The following ITCH variants were observed in gnomAD, a reference collection of about 807,000 sequenced individuals.
The protein encoded by ITCH is itchy E3 ubiquitin protein ligase.
ITCH carries 28 observed loss-of-function variants against 126.8 expected under a neutral mutation model. The ratio of observed to expected loss-of-function variants is 0.22; its 90% confidence interval spans 0.16 to 0.30. ITCH has a LOEUF of 0.30. ITCH is among the 10% of genes least tolerant of loss of function. ITCH has a pLI of 1.00. For synonymous variants in ITCH, 342 were observed against 340.0 expected (o/e 1.01, Z -0.06); for missense variants, 631 against 1,032.4 (o/e 0.61, Z 5.33).
At chr20:34,457,125 T>C (rs1307313143) in intron 12 of ITCH, among the ~76,000 whole-genome samples, 10 of 152,160 alleles carry the variant, frequency 6.6e-5, no homozygotes, top group Admixed American at 6.5e-4. Flanking sequence ...TTGCTGCTGT[T>C]GGTTGGATTG....
intron 2 of ITCH, among the ~76,000 whole-genome samples, chr20:34,378,661 C>G (rs2037940692): frequency 6.6e-6 from 1 of 151,988 alleles, no homozygotes. Context: ...GAAAAAGGCA[C>G]TTTCCTTTTA....
At chr20:34,365,507 C>T (rs184752647) in intron 1 of ITCH, among the ~76,000 whole-genome samples, 106 of 150,680 alleles carry the variant, frequency 7.0e-4, no homozygotes, top group South Asian at 1.9e-3. Context: ...CTCCGCCTCC[C>T]GGGTTCCAGC....
Position 34,461,210 on chromosome 20 carries a change from G to A in ITCH, c.1296-883G>A, listed in dbSNP as rs1296314752. On this transcript the variant is annotated intron_variant, in intron 13 of 24. Coordinates refer to ENST00000374864, the MANE Select transcript of ITCH (RefSeq NM_031483.7). ...GGTTTGGGTGCAAAGGGAACATTGA[G>A]GCCAGCGTATAGAGGCTGAGTGAAT... Among the ~76,000 whole-genome samples the A allele has an allele frequency of 3.3e-5, 5 of 152,242 alleles. No homozygotes were observed. In the East Asian group the frequency reaches 9.6e-4, roughly 29 times the overall value.
At chr20:34,401,040 T>A (rs953994270) in intron 3 of ITCH, among the ~76,000 whole-genome samples, 1 of 152,174 alleles carries the variant, frequency 6.6e-6, no homozygotes, top group Non-Finnish European at 1.5e-5. Flanking sequence ...ATTACAGGCG[T>A]GAGCCATTGT....
Position 34,424,514 on chromosome 20 carries a change from G to A in ITCH, c.510G>A (p.Lys170=). The change falls in exon 7 of 25, where the codon AAG becomes AAA. Residue 170 remains lysine (K), a synonymous_variant. Coordinates refer to ENST00000374864, the MANE Select transcript of ITCH (RefSeq NM_031483.7). ...ASQNDDGSRS[K]DETRVSTNGS... is the part of the protein sequence containing the mutation. ...AGAATGATGATGGCTCCAGATCCAA[G>A]GATGAAACAAGGTAAGCATTCACTG... The A allele has an allele frequency of 6.2e-7, 1 of 1,613,220 alleles. No homozygotes were observed. Among genetic ancestry groups the A allele is most frequent in the Non-Finnish European group, 8.5e-7 (1 of 1,179,248 alleles).
At chr20:34,480,577 G>T (rs762489104) in intron 18 of ITCH, 22 bp from the exon 19 acceptor site, 2 of 1,612,294 alleles carry the variant, frequency 1.2e-6, no homozygotes, top group Non-Finnish European at 1.7e-6. Flanking sequence ...ATTTTAAGCG[G>T]TCTTGTTTCC....
At chr20:34,440,744 G>C (rs1477902100) in intron 9 of ITCH, among the ~76,000 whole-genome samples, 1 of 151,994 alleles carries the variant, frequency 6.6e-6, no homozygotes, top group Non-Finnish European at 1.5e-5. Flanking sequence ...TGAGCACCCA[G>C]CCAACTGTTT....
At chr20:34,439,902 A>G (rs1442405931) in intron 8 of ITCH, among the ~76,000 whole-genome samples, 1 of 152,234 alleles carries the variant, frequency 6.6e-6, no homozygotes, top group Admixed American at 6.5e-5. Flanking sequence ...ACATCAGAAG[A>G]TCAGAGAACC....
intron 23 of ITCH, 37 bp from the exon 24 acceptor site, chr20:34,504,294 A>G: frequency 6.8e-7 from 1 of 1,480,718 alleles, no homozygotes; most frequent in Non-Finnish European, 9.4e-7. Flanking sequence ...GAGATCCACT[A>G]TACTAACAAA....
intron 23 of ITCH, among the ~76,000 whole-genome samples, chr20:34,503,986 T>C (rs1600514960): frequency 6.7e-6 from 1 of 149,026 alleles, no homozygotes; most frequent in Admixed American, 6.8e-5. Flanking sequence ...ATTCAAGCAA[T>C]TCTCCTGCCT....
chr20:34,442,171 G>A, intron 9 of ITCH, 37 bp from the exon 10 acceptor site: 1 of 1,480,802 alleles, frequency 6.8e-7, no homozygotes, highest in Non-Finnish European at 9.4e-7. Flanking sequence ...GGTAACTCAT[G>A]CAAGTATTTT....
At chr20:34,386,706 T>C (rs2146044360) in intron 2 of ITCH, among the ~76,000 whole-genome samples, 1 of 152,336 alleles carries the variant, frequency 6.6e-6, no homozygotes, top group Admixed American at 6.5e-5. Context: ...TATCTGATTA[T>C]GTTGGGTGTG....
At chr20:34,502,538 C>G (rs1468954433) in intron 23 of ITCH, among the ~76,000 whole-genome samples, 1 of 150,814 alleles carries the variant, frequency 6.6e-6, no homozygotes, top group Admixed American at 6.6e-5. Flanking sequence ...TAGTGAAACC[C>G]CATCTCTACT....
At chr20:34,489,203 A>C in intron 20 of ITCH, 63 bp from the exon 21 acceptor site, 1 of 1,411,682 alleles carries the variant, frequency 7.1e-7, no homozygotes, top group South Asian at 1.3e-5. Context: ...ATTTATTTTT[A>C]TACTCAGAAT....
chr20:34,398,554 A>G (rs1184787852), intron 3 of ITCH, among the ~76,000 whole-genome samples: 1 of 151,726 alleles, frequency 6.6e-6, no homozygotes, highest in Admixed American at 6.6e-5. Flanking sequence ...ACCCGCCACT[A>G]TGCCTGGCTA....
At chr20:34,503,409 C>T (rs1486681851) in intron 23 of ITCH, among the ~76,000 whole-genome samples, 1 of 152,072 alleles carries the variant, frequency 6.6e-6, no homozygotes. Context: ...TCACTTTTCA[C>T]AGCTATCTCC....
intron 23 of ITCH, among the ~76,000 whole-genome samples, chr20:34,493,170 A>G (rs1426332161): frequency 6.6e-6 from 1 of 152,232 alleles, no homozygotes; most frequent in Admixed American, 6.5e-5. Context: ...CCTTAATACC[A>G]ACATTATCCC....
At chr20:34,451,275 G>A (rs1418524181) in intron 12 of ITCH, among the ~76,000 whole-genome samples, 1 of 150,414 alleles carries the variant, frequency 6.6e-6, no homozygotes, top group Non-Finnish European at 1.5e-5. Context: ...AGGCGACAGA[G>A]CGAGACTCCG....
chr20:34,492,599 T>TA lies in ITCH; in HGVS notation c.2416+3dup, dbSNP rs1280976897. 2.5e-6 allele frequency: 4 copies of TA among 1,584,852 alleles called. No individual in the cohort carries two copies. Among genetic ancestry groups the TA allele is most frequent in the Non-Finnish European group, 3.5e-6 (4 of 1,153,094 alleles). On this transcript the variant is annotated splice_region_variant and intron_variant, in intron 23 of 24. Transcript: ENST00000374864. ...TAGGAGGATTTGCTGATCTCATGGG[T>TA]ATGTATACAGGATCACTTTTCCTAT... is the stretch of plus-strand genomic sequence containing the variant.
Sources: allele counts gnomAD v4.1 joint callset (sites outside exome capture counted in the v4.1 genomes callset), GRCh38; gene constraint gnomAD v4.1.1; transcripts MANE v1.5; gene names NCBI Gene and HGNC (gene_info 2026-07-23, HGNC 2026-07-21).